The following HK1 variants were observed in gnomAD, a reference collection of about 807,000 sequenced individuals.
The protein encoded by HK1 is hexokinase-1.
In HK1, 28 loss-of-function variants were observed where a neutral mutation model predicts 91.6. The observed-to-expected ratio is 0.31, with a 90% CI of 0.23 to 0.42. The LOEUF (loss-of-function observed/expected upper bound fraction) is 0.42, where lower values mean the gene tolerates loss of function less well. Ranked by LOEUF, HK1 falls within the 10% of genes least tolerant of loss-of-function variation. The probability of loss-of-function intolerance (pLI) is 1.00; values close to 1 mark genes in which losing one functional copy is unlikely to be tolerated. For missense variants in HK1, 770 were observed against 1,219.8 expected (o/e 0.63, Z 5.49); for synonymous variants, 430 against 468.1 (o/e 0.92, Z 1.05).
intron 7 of HK1, among the ~76,000 whole-genome samples, chr10:69,370,332 A>C (rs1849934456): frequency 6.6e-6 from 1 of 152,130 alleles, no homozygotes; most frequent in Admixed American, 6.5e-5. Flanking sequence ...AGCCCCTGAA[A>C]AAAAAAAATC....
rs1403067558 is a variant in HK1 at position 69,384,317 on chromosome 10, CT to C, written c.1571-12del. ...TTAGCTGTTTTTGACATTCTTTACG[CT>C]TTTGACTGCAACAGAGAATGGTGAC... On this transcript the variant is annotated splice_polypyrimidine_tract_variant and intron_variant, in intron 10 of 17. Transcript: ENST00000359426. The C allele has an allele frequency of 1.2e-6, 2 of 1,614,238 alleles. No individual in the cohort carries two copies. Among genetic ancestry groups the C allele is most frequent in the Non-Finnish European group, 8.5e-7 (1 of 1,180,042 alleles).
At chr10:69,293,024 A>G (rs1266434605) in intron 3 of HK1, among the ~76,000 whole-genome samples, 1 of 152,152 alleles carries the variant, frequency 6.6e-6, no homozygotes, top group Non-Finnish European at 1.5e-5. Context: ...CTTTCACTGG[A>G]CAAGACTGAT....
chr10:69,292,313 TC>T (rs1589442877), intron 3 of HK1: 2 of 435,970 alleles, frequency 4.6e-6, no homozygotes, highest in East Asian at 1.5e-4. Context: ...CGTCAAGTGA[TC>T]CTCCTGCCTC....
intron 1 of HK1, among the ~76,000 whole-genome samples, chr10:69,335,229 G>A (rs1478034284): frequency 6.6e-6 from 1 of 152,200 alleles, no homozygotes; most frequent in Admixed American, 6.5e-5. Context: ...AGAGGAGTCC[G>A]GGGCTGCTGG....
intron 1 of HK1, 104 bp downstream of exon 1, chr10:69,319,114 G>A: frequency 1.5e-6 from 2 of 1,360,740 alleles, no homozygotes; most frequent in East Asian, 2.5e-5. Flanking sequence ...GGCCTTCTCC[G>A]GGCCAGCATC....
chr10:69,288,363 C>A (rs527954015), intron 2 of HK1, among the ~76,000 whole-genome samples: 1 of 152,242 alleles, frequency 6.6e-6, no homozygotes, highest in African/African-American at 2.4e-5. Flanking sequence ...TAACCCAGCA[C>A]TTTAGGAGGC....
At chr10:69,376,886 T>G (rs1222428174) in intron 7 of HK1, 48 bp from the exon 8 acceptor site, 5 of 1,608,472 alleles carry the variant, frequency 3.1e-6, no homozygotes, top group Non-Finnish European at 4.3e-6. Flanking sequence ...CCCTCGTGTG[T>G]GGGGCGCAGA....
intron 5 of HK1, among the ~76,000 whole-genome samples, chr10:69,302,440 T>C (rs1247713956): frequency 2.7e-5 from 4 of 146,890 alleles, no homozygotes; most frequent in Non-Finnish European, 3.0e-5. Flanking sequence ...AGTGGTGCGA[T>C]CTCAGCTCAC....
At chr10:69,398,077 A>G (rs1840220639) in intron 16 of HK1, among the ~76,000 whole-genome samples, 2 of 152,266 alleles carry the variant, frequency 1.3e-5, no homozygotes, top group Admixed American at 6.5e-5. Flanking sequence ...AAACATCAGA[A>G]TTGCACACAA....
Position 69,382,701 on chromosome 10 carries a change from G to A in HK1, c.1480G>A (p.Glu494Lys), listed in dbSNP as rs1332719473. 1.9e-6 allele frequency: 3 copies of A among 1,613,504 alleles called. No homozygotes were observed. The highest frequency in any genetic ancestry group is 2.7e-5 in the African/African-American group (2 of 74,940). Residue 494 changes from glutamate (E) to lysine (K), a missense_variant, in exon 10 of 18, where the codon GAG (glutamate) becomes AAG (lysine). Coordinates refer to ENST00000359426, the MANE Select transcript of HK1 (RefSeq NM_000188.3). Reference sequence around the variant, plus strand: ...GGAGGTGAAGAAGAGGATGCGGGCCGAGATGGAGCTGGGGCTGAGGAAGCA... The same window carrying A: ...GGAGGTGAAGAAGAGGATGCGGGCCAAGATGGAGCTGGGGCTGAGGAAGCA... ...LLEVKKRMRA[E>K]MELGLRKQTH... is the part of the protein sequence containing the mutation.
chr10:69,340,970 A>G (rs16926249), intron 1 of HK1, among the ~76,000 whole-genome samples: 20,781 of 151,450 alleles, frequency 0.14, 1,577 homozygotes, highest in African/African-American at 0.17. Flanking sequence ...ATGCTCTCCA[A>G]CTTCGCCTCT....
intron 3 of HK1, among the ~76,000 whole-genome samples, chr10:69,291,421 C>A (rs148486571): frequency 1.1e-3 from 160 of 152,318 alleles, no homozygotes; most frequent in Non-Finnish European, 1.7e-3. Flanking sequence ...TCTGTCAATC[C>A]ATGATCTTTA....
chr10:69,293,855 CTTTTTTTTT>C (rs34434447), intron 3 of HK1, among the ~76,000 whole-genome samples: 20 of 98,982 alleles, frequency 2.0e-4, no homozygotes, highest in African/African-American at 7.7e-4. Flanking sequence ...ATATTTCTTT[CTTTTTTTTT>C]TTTTTTTTTT....
chr10:69,370,091 GCTGTAGAGT>G (rs1303132584), intron 7 of HK1, among the ~76,000 whole-genome samples: 1 of 152,212 alleles, frequency 6.6e-6, no homozygotes, highest in Non-Finnish European at 1.5e-5. Context: ...GAGATGCACA[GCTGTAGAGT>G]CTGTAGCTGA....
At chr10:69,303,355 A>C (rs950411966) in intron 5 of HK1, among the ~76,000 whole-genome samples, 1 of 152,162 alleles carries the variant, frequency 6.6e-6, no homozygotes, top group Non-Finnish European at 1.5e-5. Context: ...AACCACCCAG[A>C]GGGTTCACTT....
At position 69,386,438 on chromosome 10, in the gene HK1, T is replaced by A; in HGVS notation, c.1935+20T>A. 1 of 1,570,026 alleles carries A rather than the reference T, an allele frequency of 6.4e-7. No individual in the cohort carries two copies. The highest frequency in any genetic ancestry group is 8.8e-7 in the Non-Finnish European group (1 of 1,140,598). On this transcript the variant is annotated intron_variant, in intron 13 of 17. Transcript: ENST00000359426. ...AGAGAGGTAACTATTAAAAGAATGT[T>A]TTTTAAAATCTTTACTGTTTTAGGG...
intron 3 of HK1, among the ~76,000 whole-genome samples, chr10:69,289,700 G>A (rs1845204699): frequency 6.6e-6 from 1 of 151,396 alleles, no homozygotes; most frequent in African/African-American, 2.4e-5. Flanking sequence ...TCGAAACCCT[G>A]GCTTCATATG....
At position 69,401,866 on chromosome 10, in the gene HK1, C is replaced by G. The variant is rs917846363; in HGVS notation, c.*731C>G. The G allele has an allele frequency of 1.9e-5, 3 of 154,808 alleles. No individual in the cohort carries two copies. Among genetic ancestry groups the G allele is most frequent in the African/African-American group, 7.3e-5 (3 of 41,260 alleles). 9.6% of individuals were successfully genotyped at this position (154,808 alleles called of 1,614,324 possible). On this transcript the variant is annotated 3_prime_UTR_variant, in exon 18 of 18. Transcript: ENST00000359426. ...GAGCCGTGTCGTATGACCTAGTAAA[C>G]TTTGTACCAATTCAAAGACCCGAGT...
At chr10:69,363,807 A>G (rs1589543765) in intron 3 of HK1, among the ~76,000 whole-genome samples, 1 of 152,238 alleles carries the variant, frequency 6.6e-6, no homozygotes, top group East Asian at 1.9e-4. Flanking sequence ...GGCTCTTTCT[A>G]GCAGATTCCT....
Sources: gnomAD v4.1 joint callset for allele counts (sites outside exome capture counted in the v4.1 genomes callset) on GRCh38, gnomAD v4.1.1 for gene constraint, MANE v1.5 for transcripts, NCBI Gene and HGNC (gene_info 2026-07-23, HGNC 2026-07-21) for gene names.